Variants in PKHD1 observed in about 807,000 individuals in gnomAD.
The protein encoded by PKHD1 is fibrocystin.
PKHD1 carries 291 observed loss-of-function variants against 412.0 expected under a neutral mutation model. The ratio of observed to expected loss-of-function variants is 0.71; its 90% CI spans 0.64 to 0.78. The LOEUF (loss-of-function observed/expected upper bound fraction) is 0.78, where lower values mean the gene tolerates loss of function less well. Among genes scored for constraint, PKHD1 ranks in the 30% least tolerant of loss-of-function variants. The pLI is 0.00. For missense variants in PKHD1, 4,825 were observed against 4,950.7 expected (o/e 0.97, Z 0.76); for synonymous variants, 1,777 against 1,821.5 (o/e 0.98, Z 0.62).
At position 51,949,506 on chromosome 6, in the gene PKHD1, A is replaced by G. The variant is rs987622010; in HGVS notation, c.5908+10364T>C. On this transcript the variant is annotated intron_variant, in intron 36 of 66. Transcript: ENST00000371117. The stretch of plus-strand genomic sequence containing the variant: ...TAGAGAAGGCACCCACAGCCCAAAG[A>G]AACCTGCATTGTGACACGGATGGAC... Among the ~76,000 whole-genome samples the G allele has an allele frequency of 2.0e-4, 31 of 152,142 alleles. 1 individual carries two copies. Among genetic ancestry groups the G allele is most frequent in the African/African-American group, 7.2e-4 (30 of 41,426 alleles).
intron 65 of PKHD1, among the ~76,000 whole-genome samples, chr6:51,627,787 A>T (rs189920556): frequency 2.5e-4 from 38 of 152,256 alleles, no homozygotes; most frequent in Admixed American, 1.7e-3. Flanking sequence ...TTAATAGAAG[A>T]TTGTATATCT....
intron 53 of PKHD1, among the ~76,000 whole-genome samples, chr6:51,790,248 A>T (rs1793531524): frequency 6.6e-6 from 1 of 152,168 alleles, no homozygotes; most frequent in Non-Finnish European, 1.5e-5. Flanking sequence ...GCCTTACTAA[A>T]GTTCTAAATT....
intron 52 of PKHD1, among the ~76,000 whole-genome samples, chr6:51,817,124 G>A (rs2151430870): frequency 6.9e-6 from 1 of 145,444 alleles, no homozygotes; most frequent in Non-Finnish European, 1.5e-5. Flanking sequence ...CAGAACTCTG[G>A]GATCTTAGGG....
chr6:51,886,950 C>T (rs1253335187), intron 44 of PKHD1, among the ~76,000 whole-genome samples, 183 bp downstream of exon 44: 1 of 152,096 alleles, frequency 6.6e-6, no homozygotes, highest in African/African-American at 2.4e-5. Flanking sequence ...CATCAAGTTG[C>T]ATACATTAAA....
At chr6:51,917,995 G>A (rs1784093096) in intron 37 of PKHD1, among the ~76,000 whole-genome samples, 1 of 152,086 alleles carries the variant, frequency 6.6e-6, no homozygotes, top group Middle Eastern at 3.2e-3. Context: ...TGGGGAAAAT[G>A]AGTCAAATCC....
chr6:52,044,462 A>G (rs1395458990), intron 25 of PKHD1, among the ~76,000 whole-genome samples: 1 of 152,200 alleles, frequency 6.6e-6, no homozygotes, highest in African/African-American at 2.4e-5. Flanking sequence ...TTCCATAAAG[A>G]CAAAAAATAT....
At chr6:51,840,948 C>T (rs1047558126) in intron 50 of PKHD1, among the ~76,000 whole-genome samples, 7 of 152,064 alleles carry the variant, frequency 4.6e-5, no homozygotes, top group African/African-American at 1.4e-4. Flanking sequence ...CCCATTAAAC[C>T]CATGATTTCA....
intron 27 of PKHD1, among the ~76,000 whole-genome samples, chr6:52,039,474 C>T (rs1804480634): frequency 6.6e-6 from 1 of 152,208 alleles, no homozygotes; most frequent in African/African-American, 2.4e-5. Context: ...GCTTGCTTCC[C>T]CTTCACCTTC....
At position 51,925,451 on chromosome 6, in the gene PKHD1, G is replaced by A. The variant is rs573686131; in HGVS notation, c.6121+8659C>T. Among the ~76,000 whole-genome samples the A allele has an allele frequency of 3.7e-3, 372 of 100,928 alleles. 3 individuals carry two copies. Among genetic ancestry groups the A allele is most frequent in the Non-Finnish European group, 5.4e-3 (272 of 49,918 alleles). The allele number at this position is 100,928 out of a possible 152,430, so 66.2% of individuals were successfully genotyped here. On this transcript the variant is annotated intron_variant, in intron 37 of 66. Coordinates refer to ENST00000371117, the MANE Select transcript of PKHD1 (RefSeq NM_138694.4). The stretch of plus-strand genomic sequence containing the variant: ...TAAATTGTTCTTCGTGTGTGTGTGT[G>A]TGTATGTGTGTGTGTGTGTGTGTGT...
At position 51,648,988 on chromosome 6, in the gene PKHD1, T is replaced by G; in HGVS notation, c.11310+97A>C. The G allele has an allele frequency of 2.4e-6, 3 of 1,227,714 alleles. No individual in the cohort carries two copies. The South Asian group carries it at 3.6e-5, about 15-fold the overall frequency. The allele number at this position is 1,227,714 out of a possible 1,614,324, so 76.1% of individuals were successfully genotyped here. A position where few individuals can be genotyped will look rare whatever the true frequency, so the allele number is the denominator to read the frequency against. ...AACAAATTGCACCCAGTGGGCACTC[T>G]GTAAATGTGTATCAATGATGACACA... On this transcript the variant is annotated intron_variant, in intron 62 of 66. Coordinates refer to ENST00000371117, the MANE Select transcript of PKHD1 (RefSeq NM_138694.4).
rs1810023469 is a variant in PKHD1, at chr6:52,068,075, GGAA to G, written c.778+1379_778+1381del. Among the ~76,000 whole-genome samples the G allele has an allele frequency of 7.2e-5, 11 of 152,174 alleles. No individual in the cohort carries two copies. The South Asian group carries it at 2.3e-3, about 32-fold the overall frequency. On this transcript the variant is annotated intron_variant, in intron 11 of 66. Transcript: ENST00000371117. ...GATTGAACAGATATGGAAAGGAGGA[GGAA>G]GGAGAAATTTTAGATGAATTCCAAG...
In PKHD1 at chr6:52,075,149, A is replaced by T. The variant is rs1366303027; in HGVS notation, c.448+1127T>A. On this transcript the variant is annotated intron_variant, in intron 6 of 66. Transcript: ENST00000371117. ...AAAATATCAGGTCCCAATGATTCAG[A>T]CAAATGGAAAGGAGCAGATCTGTGA... Among the ~76,000 whole-genome samples the T allele has an allele frequency of 3.3e-5, 5 of 152,364 alleles. No homozygotes were observed. In the South Asian group the frequency reaches 1.0e-3, roughly 32 times the overall value.
At chr6:52,057,070 C>T (rs1312722132) in intron 16 of PKHD1, 91 bp from the exon 17 acceptor site, 1 of 827,486 alleles carries the variant, frequency 1.2e-6, no homozygotes, top group African/African-American at 1.7e-5. Context: ...CCTCAACTTG[C>T]TATTTCCTTT....
At position 51,903,718 on chromosome 6, in the gene PKHD1, C is replaced by T. The variant is rs745922336; in HGVS notation, c.6875G>A (p.Gly2292Glu). Residue 2292 changes from glycine to glutamate, a missense_variant, in exon 43 of 67, where the codon GGA (glycine) becomes GAA (glutamate). Physicochemically the swap from Gly to Glu is moderately conservative, Grantham distance 98. Coordinates refer to ENST00000371117, the MANE Select transcript of PKHD1 (RefSeq NM_138694.4). ...GTTGTTTCTTATTATATTTCCATGT[C>T]CTGACCAGTCTAATGTTTCAACAAA... ...AIHGRKDDWS[G>E]HGNIIRNNVI... 3 of 1,610,396 alleles carry T rather than the reference C, an allele frequency of 1.9e-6. No homozygotes were observed. Among genetic ancestry groups the T allele is most frequent in the African/African-American group, 1.3e-5 (1 of 74,598 alleles).
chr6:51,925,868 G>A (rs190879540), intron 37 of PKHD1, among the ~76,000 whole-genome samples: 20 of 151,046 alleles, frequency 1.3e-4, no homozygotes, highest in Admixed American at 4.6e-4. Context: ...CAAATGGGGC[G>A]AAAGTTAATC....
intron 43 of PKHD1, among the ~76,000 whole-genome samples, chr6:51,891,903 T>C (rs1779183327): frequency 6.6e-6 from 1 of 152,018 alleles, no homozygotes; most frequent in Admixed American, 6.6e-5. Context: ...AGGGCCAGAG[T>C]TCCCCCTGAA....
In PKHD1 at chr6:51,657,114, T is replaced by C. The variant is rs1771985002; in HGVS notation, c.11174+1838A>G. 1.8e-4 allele frequency among the ~76,000 whole-genome samples: 7 copies of C among 39,624 alleles called. No individual in the cohort carries two copies. The South Asian group carries it at 9.8e-3, about 55-fold the overall frequency. 26.0% of individuals were successfully genotyped at this position (39,624 alleles called of 152,430 possible). On this transcript the variant is annotated intron_variant, in intron 61 of 66. Transcript: ENST00000371117. ...TTCCATGAAAAAACTTAAAGTATAA[T>C]AATAATAAAAAAAAAAAAAAGAAAG...
chr6:51,649,217 A>G lies in PKHD1; in HGVS notation c.11178T>C (p.Asn3726=), dbSNP rs1363396060. 1 of 1,609,052 alleles carries G rather than the reference A, an allele frequency of 6.2e-7. No individual in the cohort carries two copies. Residue 3726 remains asparagine, a synonymous_variant, in exon 62 of 67, where the codon AAT becomes AAC. Coordinates refer to ENST00000371117, the MANE Select transcript of PKHD1 (RefSeq NM_138694.4). ...AGTTCCCAGTTTTAAAACTGCTTGT[A>G]TTTCTGACAGATATAAAAACAAACA... The part of the protein sequence containing the change: ...TQSKGVIGYG[N]TSSFKTGNLI...
At chr6:51,692,703 C>T (rs1246554788) in intron 60 of PKHD1, among the ~76,000 whole-genome samples, 1 of 152,076 alleles carries the variant, frequency 6.6e-6, no homozygotes, top group African/African-American at 2.4e-5. Flanking sequence ...ATAAACATCA[C>T]CTATCTTTTT....
Sources: gnomAD v4.1 joint callset for allele counts (sites outside exome capture counted in the v4.1 genomes callset) on GRCh38, gnomAD v4.1.1 for gene constraint, MANE v1.5 for transcripts, NCBI Gene and HGNC (gene_info 2026-07-23, HGNC 2026-07-21) for gene names.